The following CPEB1 variants were observed in gnomAD, a reference collection of about 807,000 sequenced individuals.
CPEB1 encodes cytoplasmic polyadenylation element-binding protein 1.
CPEB1 carries 7 observed loss-of-function variants against 65.8 expected under a neutral mutation model. That is an observed-to-expected ratio of 0.11 (90% CI 0.06 to 0.20). The LOEUF (loss-of-function observed/expected upper bound fraction) is 0.20. Ranked by LOEUF, CPEB1 falls within the 10% of genes least tolerant of loss-of-function variation. The pLI is 1.00. For missense variants in CPEB1, 551 were observed against 712.2 expected (o/e 0.77, Z 2.58); for synonymous variants, 262 against 260.0 (o/e 1.01, Z -0.08).
At chr15:82,568,104 A>G (rs1354342620) in intron 4 of CPEB1, among the ~76,000 whole-genome samples, 3 of 152,232 alleles carry the variant, frequency 2.0e-5, no homozygotes, top group African/African-American at 7.2e-5. Context: ...AACAGGAAGC[A>G]TATGAATTTT....
intron 12 of CPEB1, among the ~76,000 whole-genome samples, chr15:82,544,954 G>A (rs1316645446): frequency 6.6e-6 from 1 of 152,200 alleles, no homozygotes; most frequent in Non-Finnish European, 1.5e-5. Flanking sequence ...CAGAGACCAT[G>A]CTAGTTTCTC....
chr15:82,548,105 G>C (rs2035589464), intron 10 of CPEB1, among the ~76,000 whole-genome samples: 1 of 152,134 alleles, frequency 6.6e-6, no homozygotes, highest in African/African-American at 2.4e-5. Flanking sequence ...GGGAGGCCAA[G>C]GTGGGCGGAT....
At chr15:82,606,151 C>T (rs1382512034) in intron 3 of CPEB1, among the ~76,000 whole-genome samples, 1 of 152,036 alleles carries the variant, frequency 6.6e-6, no homozygotes, top group Non-Finnish European at 1.5e-5. Flanking sequence ...TATTATTTGA[C>T]CTAGATTGTT....
chr15:82,628,624 AAGTC>A (rs2045973045), intron 1 of CPEB1, 68 bp from the exon 2 acceptor site: 2 of 592,230 alleles, frequency 3.4e-6, no homozygotes, highest in South Asian at 2.1e-5. Context: ...AAAAAGCAAA[AAGTC>A]AGACAGAAAT....
At chr15:82,578,576 C>T (rs749139290) in intron 3 of CPEB1, among the ~76,000 whole-genome samples, 2 of 151,976 alleles carry the variant, frequency 1.3e-5, no homozygotes, top group Non-Finnish European at 2.9e-5. Context: ...CCAGACATGG[C>T]GAAACCCCAT....
rs2044296994 is a variant in CPEB1 at position 82,612,787 on chromosome 15, C to CG, written c.271+14405_271+14406insC. ...GGGCGGAGGTTGCAGTAAGCCAAGACTGCACCACTGCACTCCAGCCTGGGC... is the reference window on the plus strand; with the variant it reads ...GGGCGGAGGTTGCAGTAAGCCAAGACGTGCACCACTGCACTCCAGCCTGGGC... On this transcript the variant is annotated intron_variant, in intron 3 of 12. Transcript: ENST00000684509. Among the ~76,000 whole-genome samples the CG allele has an allele frequency of 2.6e-5, 4 of 151,922 alleles. No homozygotes were observed. In the South Asian group the frequency reaches 8.3e-4, roughly 32 times the overall value.
intron 4 of CPEB1, among the ~76,000 whole-genome samples, chr15:82,566,253 G>A (rs2039102726): frequency 6.6e-6 from 1 of 152,142 alleles, no homozygotes. Flanking sequence ...CCCAAGACAT[G>A]ATGGTCAGAT....
At chr15:82,616,700 G>A (rs759794836) in intron 3 of CPEB1, among the ~76,000 whole-genome samples, 109 of 151,992 alleles carry the variant, frequency 7.2e-4, no homozygotes, top group African/African-American at 2.4e-3. Flanking sequence ...ATGGCACCAC[G>A]CCTGGCTAAT....
Position 82,610,696 on chromosome 15 carries a change from G to A in CPEB1, c.271+16497C>T, listed in dbSNP as rs571827860. Among the ~76,000 whole-genome samples the A allele has an allele frequency of 2.0e-5, 3 of 151,774 alleles. No individual in the cohort carries two copies. In the South Asian group the frequency reaches 6.3e-4, roughly 32 times the overall value. Reference sequence around the variant, plus strand: ...CCTCAGGCCGGGCCCGGTCACTCACGCCTGTAATCCCAGCACTTTGGGAGG... The same window carrying A: ...CCTCAGGCCGGGCCCGGTCACTCACACCTGTAATCCCAGCACTTTGGGAGG... On this transcript the variant is annotated intron_variant, in intron 3 of 12. Transcript: ENST00000684509.
rs891853299 is a variant in CPEB1, at chr15:82,566,329, G to A, written c.460+5015C>T. Among the ~76,000 whole-genome samples, 12 of 152,176 alleles carry A rather than the reference G, an allele frequency of 7.9e-5. 1 individual carries two copies. The highest frequency in any genetic ancestry group is 4.6e-4 in the Admixed American group (7 of 15,280). On this transcript the variant is annotated intron_variant, in intron 4 of 12. Coordinates refer to ENST00000684509, the MANE Select transcript of CPEB1 (RefSeq NM_001365242.1). The stretch of plus-strand genomic sequence containing the variant: ...CTAACGGGGAAAATCCAGACCAGGA[G>A]CCATTATTTCTAGCCTGTGATATAA...
At chr15:82,574,045 C>A (rs1374355040) in intron 3 of CPEB1, among the ~76,000 whole-genome samples, 1 of 152,158 alleles carries the variant, frequency 6.6e-6, no homozygotes, top group African/African-American at 2.4e-5. Context: ...GCCTGAGCAA[C>A]AGGTCTGTTA....
intron 4 of CPEB1, among the ~76,000 whole-genome samples, chr15:82,564,604 T>C (rs1204870085): frequency 6.6e-6 from 1 of 152,176 alleles, no homozygotes; most frequent in Non-Finnish European, 1.5e-5. Flanking sequence ...AAGGACACAA[T>C]GTTGACTTAG....
chr15:82,579,468 G>A (rs1227185983), intron 3 of CPEB1, among the ~76,000 whole-genome samples: 1 of 148,542 alleles, frequency 6.7e-6, no homozygotes, highest in Non-Finnish European at 1.5e-5. Flanking sequence ...AATTATTAAA[G>A]AATAAAACTT....
chr15:82,550,379 A>G (rs1312153030), intron 9 of CPEB1, among the ~76,000 whole-genome samples: 1 of 152,216 alleles, frequency 6.6e-6, no homozygotes, highest in Non-Finnish European at 1.5e-5. Flanking sequence ...AGGAGGCAAA[A>G]ACAGTAGTTT....
chr15:82,555,731 A>G (rs532255450), intron 6 of CPEB1, 139 bp downstream of exon 6: 6 of 866,898 alleles, frequency 6.9e-6, no homozygotes, highest in Middle Eastern at 3.7e-4. Flanking sequence ...CCACAGAAAG[A>G]TAATTCTTTG....
chr15:82,591,530 G>A (rs1338765272), intron 3 of CPEB1, among the ~76,000 whole-genome samples: 2 of 152,150 alleles, frequency 1.3e-5, no homozygotes, highest in South Asian at 2.1e-4. Flanking sequence ...GCCTCCCAAA[G>A]TGCTGGGATT....
chr15:82,603,735 G>A (rs976701603), intron 3 of CPEB1, among the ~76,000 whole-genome samples: 12 of 151,920 alleles, frequency 7.9e-5, no homozygotes, highest in Admixed American at 3.3e-4. Flanking sequence ...ATCATTAGCC[G>A]ACTACTAAGA....
chr15:82,620,483 T>C (rs1414373342), intron 3 of CPEB1, among the ~76,000 whole-genome samples: 1 of 151,214 alleles, frequency 6.6e-6, no homozygotes, highest in Non-Finnish European at 1.5e-5. Context: ...CAAAATCAGG[T>C]ACAATTTATC....
intron 3 of CPEB1, among the ~76,000 whole-genome samples, chr15:82,619,066 T>G (rs2045044542): frequency 2.0e-5 from 3 of 152,140 alleles, no homozygotes; most frequent in Non-Finnish European, 4.4e-5. Context: ...CAAAGCCTAT[T>G]ATAAAGCTAC....
Sources: gnomAD v4.1 joint callset for allele counts (sites outside exome capture counted in the v4.1 genomes callset) on GRCh38, gnomAD v4.1.1 for gene constraint, MANE v1.5 for transcripts, NCBI Gene and HGNC (gene_info 2026-07-23, HGNC 2026-07-21) for gene names.